DMD: variants seen among roughly 807,000 people sequenced by gnomAD.
The protein encoded by DMD is dystrophin.
DMD carries 63 observed loss-of-function variants against 330.1 expected under a neutral mutation model. The ratio of observed to expected loss-of-function variants is 0.19; its 90% CI spans 0.16 to 0.24. The LOEUF is 0.24. DMD is among the 10% of genes least tolerant of loss of function. The pLI, the probability that DMD is intolerant of heterozygous loss-of-function variation, is 1.00. For missense variants in DMD, 3,344 were observed against 2,684.1 expected (o/e 1.25, Z -5.43); for synonymous variants, 1,223 against 959.8 (o/e 1.27, Z -5.07).
At chrX:31,283,539 G>A (rs1463418298) in intron 62 of DMD, among the ~76,000 whole-genome samples, 1 of 111,317 alleles carries the variant, frequency 9.0e-6, no homozygotes, top group Non-Finnish European at 1.9e-5. Context: ...GTTTTATACT[G>A]ACGATTTGGT....
chrX:31,209,552 T>C lies in DMD; in HGVS notation c.9509A>G (p.Asn3170Ser), dbSNP rs987686739. ...RLEQEHNNLV[N>S]VPLCVDMCLN... is the part of the protein sequence containing the mutation. Reference sequence around the variant, plus strand: ...ACACATATCCACGCAGAGAGGGACGTTGACCAAATTGTTGTGCTCTTGCTC... The same window carrying C: ...ACACATATCCACGCAGAGAGGGACGCTGACCAAATTGTTGTGCTCTTGCTC... The change falls in exon 65 of 79, where the codon AAC (asparagine) becomes AGC (serine). Residue 3170 changes from asparagine to serine, a missense_variant. Coordinates refer to ENST00000357033, the MANE Select transcript of DMD (RefSeq NM_004006.3). 9.9e-6 allele frequency: 12 copies of C among 1,209,498 alleles called. No individual in the cohort carries two copies. Among genetic ancestry groups the C allele is most frequent in the Middle Eastern group, 2.3e-4 (1 of 4,354 alleles).
intron 59 of DMD, among the ~76,000 whole-genome samples, chrX:31,471,223 G>A (rs1201749234): frequency 4.5e-5 from 5 of 111,658 alleles, no homozygotes; most frequent in Non-Finnish European, 9.4e-5. Context: ...CAGCTAGCTC[G>A]GTGTCTGCCC....
intron 2 of DMD, among the ~76,000 whole-genome samples, chrX:32,863,785 A>G (rs952191590): frequency 1.2e-4 from 13 of 111,915 alleles, no homozygotes; most frequent in Non-Finnish European, 2.3e-4. Context: ...CAATTACCCT[A>G]CGGTGCAGTT....
chrX:31,171,549 T>C (rs1423584797), intron 73 of DMD, among the ~76,000 whole-genome samples: 2 of 111,918 alleles, frequency 1.8e-5, no homozygotes, highest in Non-Finnish European at 3.8e-5. Context: ...ATTTATTCAC[T>C]TGGCAAATCC....
intron 19 of DMD, among the ~76,000 whole-genome samples, chrX:32,500,376 C>T (rs1008863512): frequency 9.0e-6 from 1 of 111,542 alleles, no homozygotes; most frequent in African/African-American, 3.3e-5. Flanking sequence ...TCACTAGTCA[C>T]ACGATCATTT....
At chrX:33,195,570 AAAGAG>A (rs1408442350) in intron 1 of DMD, among the ~76,000 whole-genome samples, 1 of 112,083 alleles carries the variant, frequency 8.9e-6, no homozygotes, top group Non-Finnish European at 1.9e-5. Context: ...ACTAAGAAAG[AAAGAG>A]AAAACAAAGT....
At chrX:32,798,897 C>A (rs1318139821) in intron 7 of DMD, among the ~76,000 whole-genome samples, 2 of 111,337 alleles carry the variant, frequency 1.8e-5, no homozygotes, top group East Asian at 2.8e-4. Context: ...TCAATTTTAA[C>A]CTGTGTAAAC....
At chrX:31,769,150 A>C (rs2090183519) in intron 51 of DMD, among the ~76,000 whole-genome samples, 1 of 112,155 alleles carries the variant, frequency 8.9e-6, no homozygotes, top group Admixed American at 9.5e-5. Context: ...GCTTACTTGA[A>C]TGTCATGTCC....
intron 64 of DMD, among the ~76,000 whole-genome samples, chrX:31,216,243 T>C (rs1356192399): frequency 1.5e-4 from 17 of 112,459 alleles, no homozygotes; most frequent in Non-Finnish European, 2.4e-4. Context: ...CCAAGGTTGA[T>C]AGCTGGAGAA....
intron 44 of DMD, among the ~76,000 whole-genome samples, chrX:32,120,876 C>A (rs776611520): frequency 1.8e-5 from 2 of 112,132 alleles, no homozygotes; most frequent in South Asian, 3.7e-4. Flanking sequence ...TAATAGCAAC[C>A]AAACCCTTGC....
chrX:32,509,976 T>A (rs1257394170), intron 18 of DMD, among the ~76,000 whole-genome samples: 8 of 111,683 alleles, frequency 7.2e-5, no homozygotes, highest in African/African-American at 2.6e-4. Context: ...TGGTGCTCAC[T>A]ACTACCACAT....
chrX:32,162,824 C>T (rs908445632), intron 44 of DMD, among the ~76,000 whole-genome samples: 1 of 108,401 alleles, frequency 9.2e-6, no homozygotes, highest in Non-Finnish European at 1.9e-5. Context: ...AAGTGTTCCA[C>T]CCACCTCAGA....
In DMD at chrX:33,087,706, A is replaced by C. The variant is rs140697958; in HGVS notation, c.32-67506T>G. ...ATAAAGATAAAACAGATCTTTCTTC[A>C]TAGAAATTATTTCAAGCATTCAATG... On this transcript the variant is annotated intron_variant, in intron 1 of 78. Transcript: ENST00000357033. Among the ~76,000 whole-genome samples the C allele has an allele frequency of 9.6e-3, 1,071 of 111,917 alleles. 29 individuals are homozygous for C. The highest frequency in any genetic ancestry group is 0.063 in the Admixed American group (657 of 10,467).
chrX:32,513,324 G>T (rs228327), intron 18 of DMD, among the ~76,000 whole-genome samples: 28,557 of 111,449 alleles, frequency 0.26, 2,955 homozygotes, highest in African/African-American at 0.39. Context: ...AGATCATACT[G>T]AGGTTTTAAT....
At chrX:32,480,690 G>A (rs900939595) in intron 21 of DMD, among the ~76,000 whole-genome samples, 3 of 109,204 alleles carry the variant, frequency 2.7e-5, no homozygotes, top group Non-Finnish European at 3.8e-5. Flanking sequence ...CACAGCGTGT[G>A]TATATATATA....
chrX:31,214,354 A>G (rs2045101164), intron 64 of DMD, among the ~76,000 whole-genome samples: 1 of 112,334 alleles, frequency 8.9e-6, no homozygotes, highest in South Asian at 3.7e-4. Flanking sequence ...ATTAGTTGGT[A>G]CTTAAGCACA....
chrX:31,371,048 C>T (rs1005615871), intron 60 of DMD, among the ~76,000 whole-genome samples: 2 of 110,972 alleles, frequency 1.8e-5, no homozygotes, highest in African/African-American at 6.6e-5. Context: ...GTGGGTGTGG[C>T]TATAAAAGGC....
chrX:32,727,274 G>A lies in DMD; in HGVS notation c.650-27981C>T, dbSNP rs541219373. Among the ~76,000 whole-genome samples, 40 of 110,986 alleles carry A rather than the reference G, an allele frequency of 3.6e-4. 1 individual carries two copies. The highest frequency in any genetic ancestry group is 4.6e-3 in the Middle Eastern group (1 of 218). ...AGATTACACATTGTGTCTTATGTTC[G>A]CACACATTATCTCATTTGCTCCTCA... On this transcript the variant is annotated intron_variant, in intron 7 of 78. Coordinates refer to ENST00000357033, the MANE Select transcript of DMD (RefSeq NM_004006.3).
In DMD at chrX:32,614,415, A is replaced by G; in HGVS notation, c.1370T>C (p.Leu457Pro). Residue 457 changes from leucine (L) to proline (P), a missense_variant, in exon 12 of 79, where the codon CTG becomes CCG. Leu to Pro is a moderately conservative substitution (Grantham distance 98). Transcript: ENST00000357033. ...RVLMDLQNQK[L>P]KELNDWLTKT... ...TGTTAGCCAGTCATTCAACTCTTTC[A>G]GTTTCTGATTCTGGAGATCCATTAA... is the stretch of plus-strand genomic sequence containing the variant. 1.7e-6 allele frequency: 2 copies of G among 1,207,428 alleles called. No homozygotes were observed. Among genetic ancestry groups the G allele is most frequent in the East Asian group, 5.9e-5 (2 of 33,717 alleles).
Sources: allele counts gnomAD v4.1 joint callset (sites outside exome capture counted in the v4.1 genomes callset), GRCh38; gene constraint gnomAD v4.1.1; transcripts MANE v1.5; gene names NCBI Gene and HGNC (gene_info 2026-07-23, HGNC 2026-07-21).